TMEM163: variants seen among roughly 807,000 people sequenced by gnomAD.
TMEM163 encodes the protein transmembrane protein 163.
A neutral mutation model predicts 29.3 loss-of-function variants in TMEM163; 17 were observed. That is an observed-to-expected ratio of 0.58 (90% confidence interval 0.40 to 0.87). TMEM163 has a LOEUF of 0.87. TMEM163 is among the 40% of genes least tolerant of loss of function. TMEM163 has a pLI of 0.00. For missense variants in TMEM163, 303 were observed against 381.5 expected, an observed-to-expected ratio of 0.79 and a Z score of 1.71; for synonymous variants, 157 against 160.6, an observed-to-expected ratio of 0.98 and a Z score of 0.17.
chr2:134,490,509 T>C (rs1376269229), intron 5 of TMEM163, among the ~76,000 whole-genome samples: 1 of 152,190 alleles, frequency 6.6e-6, no homozygotes, highest in Non-Finnish European at 1.5e-5. Context: ...AAAGATCCTG[T>C]GTTTAGCTCA....
intron 2 of TMEM163, among the ~76,000 whole-genome samples, chr2:134,564,115 C>CA (rs944916566): frequency 1.5e-4 from 23 of 151,880 alleles, no homozygotes; most frequent in Non-Finnish European, 5.9e-5. Context: ...CAACCACAAC[C>CA]AAAAAAACCT....
chr2:134,573,015 G>T (rs1681468276), intron 2 of TMEM163, among the ~76,000 whole-genome samples: 1 of 152,168 alleles, frequency 6.6e-6, no homozygotes, highest in Non-Finnish European at 1.5e-5. Flanking sequence ...AAAGCTGCTG[G>T]ACTGGCTACC....
chr2:134,507,003 C>G (rs1429295067), intron 4 of TMEM163, among the ~76,000 whole-genome samples: 1 of 152,068 alleles, frequency 6.6e-6, no homozygotes. Context: ...GAGATGTACC[C>G]CTTCAGCATA....
chr2:134,483,069 G>A (rs1840414), intron 5 of TMEM163, among the ~76,000 whole-genome samples: 2,964 of 152,206 alleles, frequency 0.019, 93 homozygotes, highest in East Asian at 0.16. Context: ...AGGCAGCAGC[G>A]GCCGAGGGCT....
rs574809853 is a variant in TMEM163, at chr2:134,706,569, G to T, written c.322+6631C>A. On this transcript the variant is annotated intron_variant, in intron 2 of 7. Coordinates refer to ENST00000281924, the MANE Select transcript of TMEM163 (RefSeq NM_030923.5). ...GGAGGTGTTTCAATCAGCCTGGAAG[G>T]CTTCCCAGAAAAGGTGATCTTTCAT... 8.5e-5 allele frequency among the ~76,000 whole-genome samples: 13 copies of T among 152,334 alleles called. No homozygotes were observed. In the South Asian group the frequency reaches 2.7e-3, roughly 32 times the overall value.
intron 2 of TMEM163, among the ~76,000 whole-genome samples, chr2:134,675,770 C>G (rs529796898): frequency 1.8e-4 from 28 of 152,206 alleles, no homozygotes; most frequent in African/African-American, 6.5e-4. Flanking sequence ...AAATCCGGTC[C>G]CAGGATTTAG....
intron 1 of TMEM163, 112 bp downstream of exon 1, chr2:134,718,622 G>A (rs1356544230): frequency 3.7e-6 from 3 of 806,936 alleles, no homozygotes; most frequent in African/African-American, 3.7e-5. Context: ...GGGGCTCCGC[G>A]CCCCCGCGCG....
intron 2 of TMEM163, among the ~76,000 whole-genome samples, chr2:134,644,650 T>C (rs1199967979): frequency 1.3e-5 from 2 of 152,066 alleles, no homozygotes; most frequent in Non-Finnish European, 2.9e-5. Flanking sequence ...GTGTAAAACA[T>C]AAAACTATCA....
chr2:134,576,842 G>A (rs1391332629), intron 2 of TMEM163, among the ~76,000 whole-genome samples: 2 of 152,108 alleles, frequency 1.3e-5, no homozygotes, highest in African/African-American at 4.8e-5. Flanking sequence ...ATGGGAGGTG[G>A]GGAACAACCC....
chr2:134,575,276 T>G (rs1176389527), intron 2 of TMEM163, among the ~76,000 whole-genome samples: 1 of 152,124 alleles, frequency 6.6e-6, no homozygotes, highest in Non-Finnish European at 1.5e-5. Context: ...TGGACCCTGA[T>G]TAAGCCATTC....
At chr2:134,671,344 G>A (rs1288264214) in intron 2 of TMEM163, among the ~76,000 whole-genome samples, 2 of 152,004 alleles carry the variant, frequency 1.3e-5, no homozygotes, top group African/African-American at 4.8e-5. Context: ...CCAACTCCTG[G>A]CTCCTGTAGT....
intron 2 of TMEM163, among the ~76,000 whole-genome samples, chr2:134,639,265 T>C (rs964039089): frequency 5.9e-5 from 9 of 152,198 alleles, no homozygotes; most frequent in African/African-American, 2.2e-4. Context: ...TTGGCATTCG[T>C]AAGCTGAAGA....
At chr2:134,593,987 T>C (rs1387708781) in intron 2 of TMEM163, among the ~76,000 whole-genome samples, 2 of 151,874 alleles carry the variant, frequency 1.3e-5, no homozygotes, top group African/African-American at 4.8e-5. Flanking sequence ...TTTAATGAAA[T>C]TTTCAGGTTC....
intron 5 of TMEM163, among the ~76,000 whole-genome samples, chr2:134,483,808 G>A (rs1679256831): frequency 1.3e-5 from 2 of 152,250 alleles, no homozygotes; most frequent in Middle Eastern, 3.4e-3. Flanking sequence ...ACAACAGGAA[G>A]CCCAAAATGG....
intron 5 of TMEM163, among the ~76,000 whole-genome samples, chr2:134,484,249 A>G (rs1352773695): frequency 6.6e-6 from 1 of 152,230 alleles, no homozygotes; most frequent in Non-Finnish European, 1.5e-5. Flanking sequence ...ACCCTCACCA[A>G]GGCGAATAAC....
chr2:134,701,581 C>T (rs1684705202), intron 2 of TMEM163, among the ~76,000 whole-genome samples: 1 of 152,222 alleles, frequency 6.6e-6, no homozygotes, highest in Admixed American at 6.5e-5. Flanking sequence ...GCATACCAAA[C>T]TCAGCCAAAG....
chr2:134,493,362 C>CTTTTTTTTTTTTTTTTTTTTTTT (rs1159013721), intron 5 of TMEM163, among the ~76,000 whole-genome samples: 2 of 49,850 alleles, frequency 4.0e-5, no homozygotes, highest in African/African-American at 8.9e-5. Flanking sequence ...CTTTTGGTGT[C>CTTTTTTTTTTTTTTTTTTTTTTT]TTTTTTTTTT....
At chr2:134,631,111 C>G (rs1312216834) in intron 2 of TMEM163, among the ~76,000 whole-genome samples, 1 of 152,108 alleles carries the variant, frequency 6.6e-6, no homozygotes, top group Non-Finnish European at 1.5e-5. Context: ...ACAGAAGGAC[C>G]TTCTAATGCT....
chr2:134,709,716 T>C (rs1340519138), intron 2 of TMEM163, among the ~76,000 whole-genome samples: 1 of 152,186 alleles, frequency 6.6e-6, no homozygotes, highest in African/African-American at 2.4e-5. Context: ...GAAAAGCTGT[T>C]TCCAGCCGTG....
Sources: gnomAD v4.1 joint callset for allele counts (sites outside exome capture counted in the v4.1 genomes callset) on GRCh38, gnomAD v4.1.1 for gene constraint, MANE v1.5 for transcripts, NCBI Gene and HGNC (gene_info 2026-07-23, HGNC 2026-07-21) for gene names.